Variants in SLC35F3 observed in about 807,000 individuals in gnomAD.
SLC35F3 encodes the protein putative thiamine transporter SLC35F3.
A neutral mutation model predicts 49.9 loss-of-function variants in SLC35F3; 25 were observed. The ratio of observed to expected loss-of-function variants is 0.50; its 90% CI spans 0.37 to 0.70. The LOEUF (loss-of-function observed/expected upper bound fraction) is 0.70. SLC35F3 is among the 30% of genes least tolerant of loss of function. SLC35F3 has a pLI of 0.00. For synonymous variants in SLC35F3, 275 were observed against 265.4 expected, an observed-to-expected ratio of 1.04 and a Z score of -0.35; for missense variants, 525 against 639.8, an observed-to-expected ratio of 0.82 and a Z score of 1.94.
At chr1:234,194,970 G>A (rs1015251770) in intron 2 of SLC35F3, among the ~76,000 whole-genome samples, 7 of 152,134 alleles carry the variant, frequency 4.6e-5, no homozygotes, top group African/African-American at 1.7e-4. Flanking sequence ...AGCCACTCTT[G>A]ACCACCATAC....
intron 2 of SLC35F3, among the ~76,000 whole-genome samples, chr1:234,101,060 C>G (rs565019348): frequency 2.0e-5 from 3 of 152,150 alleles, no homozygotes; most frequent in East Asian, 1.9e-4. Context: ...TCCTCCCATA[C>G]CTTTCCCTCT....
intron 2 of SLC35F3, among the ~76,000 whole-genome samples, chr1:233,941,195 G>A (rs1662414992): frequency 6.6e-6 from 1 of 152,032 alleles, no homozygotes; most frequent in South Asian, 2.1e-4. Context: ...TGTAACTATG[G>A]TATTTCCACT....
chr1:233,940,194 GTA>G (rs1274543777), intron 2 of SLC35F3, among the ~76,000 whole-genome samples: 1 of 152,046 alleles, frequency 6.6e-6, no homozygotes, highest in Non-Finnish European at 1.5e-5. Flanking sequence ...ATATTATTAT[GTA>G]TGCACACACA....
chr1:234,272,079 T>C (rs1668116538), intron 3 of SLC35F3, among the ~76,000 whole-genome samples: 1 of 152,120 alleles, frequency 6.6e-6, no homozygotes, highest in South Asian at 2.1e-4. Flanking sequence ...TGAGCCAAGA[T>C]CATGCCATTG....
intron 3 of SLC35F3, among the ~76,000 whole-genome samples, chr1:234,235,293 A>C (rs77646044): frequency 6.6e-6 from 1 of 152,166 alleles, no homozygotes; most frequent in African/African-American, 2.4e-5. Context: ...CTGTTTCTCA[A>C]TGAAGGTGGC....
chr1:234,155,782 C>CAA (rs59089092), intron 2 of SLC35F3, among the ~76,000 whole-genome samples: 41 of 142,716 alleles, frequency 2.9e-4, no homozygotes, highest in African/African-American at 1.0e-3. Context: ...CACAATATAC[C>CAA]AAAAAAAAAA....
At chr1:234,037,326 C>G (rs1023487727) in intron 2 of SLC35F3, among the ~76,000 whole-genome samples, 1 of 152,124 alleles carries the variant, frequency 6.6e-6, no homozygotes, top group East Asian at 1.9e-4. Context: ...GCTAATAAAG[C>G]AAAAACTACT....
At chr1:233,925,490 G>T (rs1308762595) in intron 2 of SLC35F3, among the ~76,000 whole-genome samples, 2 of 152,048 alleles carry the variant, frequency 1.3e-5, no homozygotes, top group Non-Finnish European at 2.9e-5. Flanking sequence ...TTGCTTGGTA[G>T]ATCTTCCTCC....
At chr1:234,165,202 A>C (rs1666296238) in intron 2 of SLC35F3, among the ~76,000 whole-genome samples, 1 of 152,134 alleles carries the variant, frequency 6.6e-6, no homozygotes, top group South Asian at 2.1e-4. Context: ...CTCAGAGTTG[A>C]CTTTGTAGCA....
chr1:234,271,068 T>A (rs1210616863), intron 3 of SLC35F3, among the ~76,000 whole-genome samples: 1 of 152,238 alleles, frequency 6.6e-6, no homozygotes, highest in African/African-American at 2.4e-5. Flanking sequence ...TTTCTTGGAT[T>A]CTAAAGAACC....
chr1:234,322,812 T>A (rs144222261), intron 7 of SLC35F3, among the ~76,000 whole-genome samples, 196 bp from the exon 8 acceptor site: 57 of 152,134 alleles, frequency 3.7e-4, no homozygotes, highest in African/African-American at 1.3e-3. Flanking sequence ...ACCAGAGAGG[T>A]TTGATAAAGT....
chr1:234,077,284 G>C (rs1432451367), intron 2 of SLC35F3, among the ~76,000 whole-genome samples: 1 of 152,074 alleles, frequency 6.6e-6, no homozygotes, highest in Admixed American at 6.5e-5. Flanking sequence ...GATTACAGGC[G>C]TGAGCCACCG....
intron 2 of SLC35F3, among the ~76,000 whole-genome samples, chr1:234,125,953 G>T (rs1423777523): frequency 6.6e-6 from 1 of 152,154 alleles, no homozygotes; most frequent in Non-Finnish European, 1.5e-5. Context: ...GTGCTTCCGC[G>T]CACTAGCTCT....
chr1:234,122,664 C>G (rs1445462818), intron 2 of SLC35F3, among the ~76,000 whole-genome samples: 2 of 152,176 alleles, frequency 1.3e-5, no homozygotes, highest in Non-Finnish European at 2.9e-5. Flanking sequence ...GTTCCCCTCT[C>G]TGTGTCCATG....
chr1:234,208,262 T>C (rs1667002738), intron 2 of SLC35F3, among the ~76,000 whole-genome samples: 1 of 152,204 alleles, frequency 6.6e-6, no homozygotes, highest in Admixed American at 6.5e-5. Flanking sequence ...TGATGCCTTA[T>C]TGGAATCGTA....
chr1:234,196,267 A>T (rs1666808668), intron 2 of SLC35F3, among the ~76,000 whole-genome samples: 1 of 152,236 alleles, frequency 6.6e-6, no homozygotes, highest in Non-Finnish European at 1.5e-5. Context: ...ATTTCTGCGT[A>T]ATCTTCCCCT....
At chr1:233,966,510 C>A (rs989077017) in intron 2 of SLC35F3, among the ~76,000 whole-genome samples, 1 of 152,038 alleles carries the variant, frequency 6.6e-6, no homozygotes, top group Non-Finnish European at 1.5e-5. Context: ...ATGGGGACAC[C>A]CTAATCAGAC....
intron 2 of SLC35F3, among the ~76,000 whole-genome samples, chr1:234,058,372 T>C (rs1358426798): frequency 8.3e-6 from 1 of 120,170 alleles, no homozygotes; most frequent in Non-Finnish European, 1.6e-5. Context: ...TTAAACAGGG[T>C]CTCACCCTGT....
chr1:234,251,482 C>T (rs201420641), intron 3 of SLC35F3, among the ~76,000 whole-genome samples: 1 of 117,026 alleles, frequency 8.5e-6, no homozygotes, highest in African/African-American at 3.3e-5. Context: ...AAAAAAAAAA[C>T]ACACACACAC....
Sources: gnomAD v4.1 joint callset for allele counts (sites outside exome capture counted in the v4.1 genomes callset) on GRCh38, gnomAD v4.1.1 for gene constraint, MANE v1.5 for transcripts, NCBI Gene and HGNC (gene_info 2026-07-23, HGNC 2026-07-21) for gene names.